TENM3: variants seen among roughly 807,000 people sequenced by gnomAD.
TENM3 encodes teneurin transmembrane protein 3.
Under a neutral mutation model 255.1 loss-of-function variants are expected in TENM3, and 63 were observed. The ratio of observed to expected loss-of-function variants is 0.25; its 90% CI spans 0.20 to 0.30. TENM3 has a LOEUF of 0.30. Among genes scored for constraint, TENM3 ranks in the 10% least tolerant of loss-of-function variants. The probability of loss-of-function intolerance (pLI) is 1.00; values close to 1 mark genes in which losing one functional copy is unlikely to be tolerated. For missense variants in TENM3, 2,929 were observed against 3,461.1 expected, an observed-to-expected ratio of 0.85 and a Z score of 3.86; for synonymous variants, 1,306 against 1,322.3, an observed-to-expected ratio of 0.99 and a Z score of 0.27.
the TENM3 span, among the ~76,000 whole-genome samples, chr4:181,991,903 G>T: frequency 6.6e-6 from 1 of 152,020 alleles, no homozygotes; most frequent in Non-Finnish European, 1.5e-5. Flanking sequence ...AAAATCCTTA[G>T]ATTTACTACT....
In TENM3 at chr4:182,789,061, T is replaced by TTTA. The variant is rs1266449376; in HGVS notation, c.5305-29_5305-27dup. ...GGACTCCGGTGTTGGAATAACATGA[T>TTTA]TTATTTTATCATCTTGTTGGTGTTG... On this transcript the variant is annotated intron_variant, in intron 24 of 27. Transcript: ENST00000511685. The surrounding 1 kb of genome is among the most constrained non-coding windows in gnomAD (Gnocchi z 4.4). The TTTA allele has an allele frequency of 6.4e-7, 1 of 1,563,760 alleles. No individual in the cohort carries two copies. Among genetic ancestry groups the TTTA allele is most frequent in the East Asian group, 2.3e-5 (1 of 43,976 alleles).
intron 1 of TENM3, among the ~76,000 whole-genome samples, chr4:182,250,116 G>A (rs1397416371): frequency 3.4e-5 from 5 of 147,170 alleles, no homozygotes; most frequent in East Asian, 2.0e-4. Context: ...GCAGTGGTGC[G>A]ATCTGGGCTC....
intron 1 of TENM3, among the ~76,000 whole-genome samples, chr4:182,273,448 A>G (rs906783868): frequency 1.3e-5 from 2 of 152,248 alleles, no homozygotes; most frequent in Non-Finnish European, 2.9e-5. Flanking sequence ...AATTCACCCC[A>G]AGAAGCCTGA....
At position 182,796,220 on chromosome 4, in the gene TENM3, A is replaced by G. The variant is rs191228151; in HGVS notation, c.7214-417A>G. Among the ~76,000 whole-genome samples, 56 of 152,330 alleles carry G rather than the reference A, an allele frequency of 3.7e-4. 1 individual carries two copies. The highest frequency in any genetic ancestry group is 3.1e-3 in the Admixed American group (47 of 15,306). ...GTGGAAGTCCGCATATCCTTGGGCA[A>G]TCGCTTTGGAGAGCTAATAACACAC... On this transcript the variant is annotated intron_variant, in intron 26 of 27. Transcript: ENST00000511685.
In TENM3 at chr4:182,754,777, A is replaced by G. The variant is rs1351833894; in HGVS notation, c.4410A>G (p.Lys1470=). 6.2e-7 allele frequency: 1 copy of G among 1,614,054 alleles called. No homozygotes were observed. Among genetic ancestry groups the G allele is most frequent in the Non-Finnish European group, 8.5e-7 (1 of 1,179,894 alleles). Residue 1470 remains lysine, a synonymous_variant, in exon 22 of 28, where the codon AAA becomes AAG. Coordinates refer to ENST00000511685, the MANE Select transcript of TENM3 (RefSeq NM_001080477.4). The surrounding 1 kb of genome is among the most constrained non-coding windows in gnomAD (Gnocchi z 5.1). ...GAGATGGCTACGCCAAGGATGCCAA[A>G]CTCAGTGCCCCATCCTCCCTGGCTG... ...QSGDGYAKDA[K]LSAPSSLAAS...
chr4:181,961,473 C>T, the TENM3 span, among the ~76,000 whole-genome samples: 7 of 152,154 alleles, frequency 4.6e-5, no homozygotes, highest in East Asian at 7.8e-4. Context: ...TAGGCTGGAG[C>T]GTAGTGTGCG....
intron 8 of TENM3, 33 bp from the exon 9 acceptor site, chr4:182,680,215 A>G (rs1412272784): frequency 1.4e-6 from 2 of 1,474,056 alleles, no homozygotes; most frequent in East Asian, 2.3e-5. Flanking sequence ...GGCAGGCTAT[A>G]CAACAAGTGT....
chr4:182,346,921 G>T lies in TENM3; in HGVS notation c.503G>T (p.Ser168Ile). The T allele has an allele frequency of 6.2e-7, 1 of 1,604,766 alleles. No individual in the cohort carries two copies. The highest frequency in any genetic ancestry group is 8.5e-7 in the Non-Finnish European group (1 of 1,174,054). Reference sequence around the variant, plus strand: ...ACGGAGCACGAAAACAAGTCCGACAGTGAGAATGGTAAGTTTCCTTTTTGG... The same window carrying T: ...ACGGAGCACGAAAACAAGTCCGACATTGAGAATGGTAAGTTTCCTTTTTGG... ...TDTEHENKSD[S>I]ENEQPASNQG... Residue 168 changes from serine to isoleucine, a missense_variant, in exon 3 of 28, where the codon AGT becomes ATT. By Grantham distance (142) the Ser-to-Ile change is moderately radical. This residue lies in a region of TENM3 where 283 missense variants were observed against 256.9 expected (regional missense o/e 1.10). Coordinates refer to ENST00000511685, the MANE Select transcript of TENM3 (RefSeq NM_001080477.4).
chr4:181,986,392 T>C, the TENM3 span, among the ~76,000 whole-genome samples: 25,923 of 151,984 alleles, frequency 0.17, 2,567 homozygotes, highest in South Asian at 0.24. Flanking sequence ...TTCTCCAGCA[T>C]GTTCAGTCTC....
intron 3 of TENM3, among the ~76,000 whole-genome samples, chr4:182,503,134 A>G (rs1736484222): frequency 6.6e-6 from 1 of 151,786 alleles, no homozygotes. Context: ...AAGTCCCCAA[A>G]TCTCCCTCAT....
chr4:182,230,366 A>C (rs2150010319), intron 1 of TENM3, among the ~76,000 whole-genome samples: 1 of 151,920 alleles, frequency 6.6e-6, no homozygotes, highest in East Asian at 1.9e-4. Flanking sequence ...CTTTCCTATT[A>C]CCTCTAGCTA....
chr4:181,767,059 T>C, the TENM3 span, among the ~76,000 whole-genome samples: 9 of 135,046 alleles, frequency 6.7e-5, no homozygotes, highest in South Asian at 2.5e-4. Context: ...AAGACCATTC[T>C]GGCTAACAAG....
intron 5 of TENM3, among the ~76,000 whole-genome samples, chr4:182,649,564 A>C (rs920078773): frequency 1.3e-5 from 2 of 150,662 alleles, no homozygotes. Flanking sequence ...TGTAACCTTA[A>C]AGTTCACAAC....
chr4:181,919,614 C>T, the TENM3 span, among the ~76,000 whole-genome samples: 16 of 152,066 alleles, frequency 1.1e-4, no homozygotes, highest in African/African-American at 2.7e-4. Context: ...GAAATGATGA[C>T]GTTGTTTCCT....
chr4:182,354,323 T>A (rs1765381917), intron 3 of TENM3, among the ~76,000 whole-genome samples: 2 of 152,206 alleles, frequency 1.3e-5, no homozygotes, highest in African/African-American at 4.8e-5. Context: ...GCTATTTTGA[T>A]TTTTGAATGT....
chr4:182,783,530 TG>T lies in TENM3; in HGVS notation c.5305-5562del, dbSNP rs1274115168. Among the ~76,000 whole-genome samples, 5 of 151,738 alleles carry T rather than the reference TG, an allele frequency of 3.3e-5. No individual in the cohort carries two copies. The East Asian group carries it at 9.7e-4, about 29-fold the overall frequency. Reference sequence around the variant, plus strand: ...AACTTTGGTGAATCTGACAATTATGTGTCTTGGAGTTGCTCTTCTCGAGGAG... The same window carrying T: ...AACTTTGGTGAATCTGACAATTATGTTCTTGGAGTTGCTCTTCTCGAGGAG... On this transcript the variant is annotated intron_variant, in intron 24 of 27. Transcript: ENST00000511685.
At position 182,680,256 on chromosome 4, in the gene TENM3, G is replaced by A; in HGVS notation, c.1546G>A (p.Val516Met). 3 of 1,612,276 alleles carry A rather than the reference G, an allele frequency of 1.9e-6. No homozygotes were observed. The highest frequency in any genetic ancestry group is 2.5e-6 in the Non-Finnish European group (3 of 1,178,454). ...SFNTIVIESV[V>M]ECPRNCHGNG... ...CTTTCCTTTTTCTTCAGAGTCTGTG[G>A]TGGAATGTCCCCGAAATTGCCATGG... Residue 516 changes from valine (V) to methionine (M), a missense_variant, in exon 9 of 28, where the codon GTG becomes ATG. Coordinates refer to ENST00000511685, the MANE Select transcript of TENM3 (RefSeq NM_001080477.4).
chr4:182,045,213 G>C, the TENM3 span, among the ~76,000 whole-genome samples: 20 of 152,092 alleles, frequency 1.3e-4, no homozygotes, highest in Non-Finnish European at 5.9e-5. Context: ...GAGGAGTGTG[G>C]TTCAATGCCT....
chr4:182,305,222 A>C lies in TENM3; in HGVS notation c.-75-18724A>C, dbSNP rs565586077. ...GGCAGTAAACAGATCTAAAAAAAAA[A>C]CCACAAAAACAAAAGGAACAGATTG... On this transcript the variant is annotated intron_variant, in intron 1 of 27. Coordinates refer to ENST00000511685, the MANE Select transcript of TENM3 (RefSeq NM_001080477.4). Among the ~76,000 whole-genome samples the C allele has an allele frequency of 6.1e-4, 92 of 152,060 alleles. 1 individual carries two copies. Among genetic ancestry groups the C allele is most frequent in the East Asian group, 3.9e-3 (20 of 5,184 alleles).
Sources: allele counts gnomAD v4.1 joint callset (sites outside exome capture counted in the v4.1 genomes callset), GRCh38; gene constraint gnomAD v4.1.1; regional missense constraint gnomAD v4.1.1; non-coding constraint Gnocchi (gnomAD v3.1); transcripts MANE v1.5; gene names NCBI Gene and HGNC (gene_info 2026-07-23, HGNC 2026-07-21).